The following ZDHHC23 variants were observed in gnomAD, a reference collection of about 807,000 sequenced individuals.
ZDHHC23 encodes palmitoyltransferase ZDHHC23.
A neutral mutation model predicts 40.2 loss-of-function variants in ZDHHC23; 41 were observed. The ratio of observed to expected loss-of-function variants is 1.02; its 90% CI spans 0.79 to 1.32. The LOEUF is 1.32. Ranked by LOEUF, ZDHHC23 falls within the 40% of genes most tolerant of loss-of-function variation. ZDHHC23 has a pLI of 0.00. For synonymous variants in ZDHHC23, 204 were observed against 210.2 expected (o/e 0.97, Z 0.26); for missense variants, 471 against 541.5 (o/e 0.87, Z 1.29).
Position 113,954,297 on chromosome 3 carries a change from C to A in ZDHHC23, c.759C>A (p.Pro253=). 1 of 1,614,110 alleles carries A rather than the reference C, an allele frequency of 6.2e-7. No individual in the cohort carries two copies. The highest frequency in any genetic ancestry group is 8.5e-7 in the Non-Finnish European group (1 of 1,179,968). The change falls in exon 3 of 5, where the codon CCC becomes CCA. Residue 253 remains proline (P), a synonymous_variant. Coordinates refer to ENST00000638807, the MANE Select transcript of ZDHHC23 (RefSeq NM_001320466.2). ...CTTCCAAGATGCCAGCTGGAAGCCC[C>A]ACCAAAGCGAAGGAGGACTGGTGTG... ...KGSSKMPAGS[P]TKAKEDWCAK...
chr3:113,963,449 A>G (rs1363419491), downstream of ZDHHC23: 2 of 151,986 alleles, frequency 1.3e-5, no homozygotes, highest in Non-Finnish European at 2.9e-5. Flanking sequence ...TGGCATTTAA[A>G]GAAAACTGGT....
chr3:113,954,093 G>A lies in ZDHHC23; in HGVS notation c.555G>A (p.Leu185=), dbSNP rs1938942908. The change falls in exon 3 of 5, where the codon TTG becomes TTA. Residue 185 remains leucine, a synonymous_variant. Coordinates refer to ENST00000638807, the MANE Select transcript of ZDHHC23 (RefSeq NM_001320466.2). ...TCGLFLILLA[L]HRAKKNPGYL... ...GGTTATTTCTGATACTCTTAGCCTT[G>A]CACAGAGCCAAGAAGAATCCAGGCT... 6.2e-7 allele frequency: 1 copy of A among 1,614,172 alleles called. No individual in the cohort carries two copies.
chr3:113,973,661 C>A, the ZDHHC23 span, among the ~76,000 whole-genome samples: 17 of 151,328 alleles, frequency 1.1e-4, no homozygotes, highest in Non-Finnish European at 2.2e-4. Flanking sequence ...CTGGCCTATA[C>A]CGTTTCTGCT....
intron 2 of ZDHHC23, 151 bp downstream of exon 2, chr3:113,949,114 A>G: frequency 9.8e-7 from 1 of 1,023,160 alleles, no homozygotes; most frequent in Non-Finnish European, 1.4e-6. Flanking sequence ...GTCAAGTGTG[A>G]GGATTTTAGA....
Position 113,959,299 on chromosome 3 carries a change from A to G in ZDHHC23, c.*669A>G. ...TTCTCCTTCTTATTAGACATGAACT[A>G]CTCAAACAGAGAAGATGACCAGATG... On this transcript the variant is annotated 3_prime_UTR_variant, in exon 5 of 5. Transcript: ENST00000638807. 7 of 1,098,320 alleles carry G rather than the reference A, an allele frequency of 6.4e-6. No individual in the cohort carries two copies. Among genetic ancestry groups the G allele is most frequent in the Non-Finnish European group, 4.5e-6 (4 of 886,880 alleles). 68.0% of individuals were successfully genotyped at this position (1,098,320 alleles called of 1,614,324 possible). A position where few individuals can be genotyped will look rare whatever the true frequency, so the allele number is the denominator to read the frequency against.
At chr3:113,974,959 T>C in the ZDHHC23 span, among the ~76,000 whole-genome samples, 1 of 152,196 alleles carries the variant, frequency 6.6e-6, no homozygotes, top group African/African-American at 2.4e-5. Context: ...TTGGTAAATA[T>C]GTCTTGATAA....
the ZDHHC23 span, among the ~76,000 whole-genome samples, chr3:113,970,669 T>A: frequency 6.6e-6 from 1 of 152,160 alleles, no homozygotes; most frequent in Non-Finnish European, 1.5e-5. Flanking sequence ...CTGCACCCAT[T>A]AACTCATCAT....
the ZDHHC23 span, among the ~76,000 whole-genome samples, chr3:113,975,602 A>AATT: frequency 6.6e-6 from 1 of 152,180 alleles, no homozygotes; most frequent in African/African-American, 2.4e-5. Flanking sequence ...GTAAACAGTA[A>AATT]ATTATATACT....
intron 2 of ZDHHC23, among the ~76,000 whole-genome samples, chr3:113,951,779 G>T (rs1395279507): frequency 6.6e-6 from 1 of 152,200 alleles, no homozygotes; most frequent in African/African-American, 2.4e-5. Flanking sequence ...TTACAATATA[G>T]ACAGGCTGAG....
intron 2 of ZDHHC23, 43 bp downstream of exon 2, chr3:113,949,006 T>A (rs1307050988): frequency 1.2e-6 from 2 of 1,610,672 alleles, no homozygotes; most frequent in Middle Eastern, 1.8e-4. Flanking sequence ...ATCACCCTTC[T>A]GAGAACTGCC....
Position 113,959,827 on chromosome 3 carries a change from T to C in ZDHHC23, c.*1197T>C. On this transcript the variant is annotated 3_prime_UTR_variant, in exon 5 of 5. Coordinates refer to ENST00000638807, the MANE Select transcript of ZDHHC23 (RefSeq NM_001320466.2). ...TAAGAGAGAAGAAACAGGGTATATG[T>C]GGTTTCCACTATTAATGGATTACTG... is the stretch of plus-strand genomic sequence containing the variant. 15 of 1,031,586 alleles carry C rather than the reference T, an allele frequency of 1.5e-5. No homozygotes were observed. Among genetic ancestry groups the C allele is most frequent in the Non-Finnish European group, 1.8e-5 (15 of 852,660 alleles). The allele number at this position is 1,031,586 out of a possible 1,614,324, so 63.9% of individuals were successfully genotyped here. A position where few individuals can be genotyped will look rare whatever the true frequency, so the allele number is the denominator to read the frequency against.
chr3:113,948,877 C>T lies in ZDHHC23; in HGVS notation c.75C>T (p.Cys25=). Residue 25 remains cysteine (C), a synonymous_variant, in exon 2 of 5, where the codon TGC becomes TGT. Coordinates refer to ENST00000638807, the MANE Select transcript of ZDHHC23 (RefSeq NM_001320466.2). ...TEEPELEPLC[C]CEYIDRNGEK... is the part of the protein sequence containing the mutation. ...AACCTGAATTGGAGCCCCTGTGCTG[C>T]TGCGAGTACATAGATCGGAATGGGG... 1 of 1,614,198 alleles carries T rather than the reference C, an allele frequency of 6.2e-7. No homozygotes were observed. The highest frequency in any genetic ancestry group is 8.5e-7 in the Non-Finnish European group (1 of 1,180,030).
At chr3:113,952,499 T>C (rs1163209220) in intron 2 of ZDHHC23, among the ~76,000 whole-genome samples, 1 of 152,186 alleles carries the variant, frequency 6.6e-6, no homozygotes. Context: ...CCCTTGACAG[T>C]TTGTTCAGAT....
At chr3:113,950,049 G>GC (rs1386142556) in intron 2 of ZDHHC23, among the ~76,000 whole-genome samples, 1 of 152,106 alleles carries the variant, frequency 6.6e-6, no homozygotes, top group East Asian at 1.9e-4. Context: ...CATTAACCTT[G>GC]CTAACTCTTC....
Position 113,958,984 on chromosome 3 carries a change from G to A in ZDHHC23, c.*354G>A, listed in dbSNP as rs1158066379. ...TAGGATAGTTTCTAGTCCCTCTTTC[G>A]ATTCTTAATAGCCATGTGACCCCTA... On this transcript the variant is annotated 3_prime_UTR_variant, in exon 5 of 5. Coordinates refer to ENST00000638807, the MANE Select transcript of ZDHHC23 (RefSeq NM_001320466.2). The A allele has an allele frequency of 7.7e-6, 9 of 1,166,074 alleles. No homozygotes were observed. Among genetic ancestry groups the A allele is most frequent in the African/African-American group, 3.2e-5 (2 of 61,966 alleles). The allele number at this position is 1,166,074 out of a possible 1,614,324, so 72.2% of individuals were successfully genotyped here.
the ZDHHC23 span, chr3:113,978,769 T>C: frequency 1.4e-5 from 19 of 1,387,320 alleles, no homozygotes; most frequent in East Asian, 4.4e-4. Flanking sequence ...AAAAACATAA[T>C]GACCCTGGAC....
At chr3:113,966,788 G>A (rs373765175), downstream of ZDHHC23, among the ~76,000 whole-genome samples, 66 of 151,932 alleles carry the variant, frequency 4.3e-4, 1 homozygote, top group South Asian at 0.013. Flanking sequence ...GATTTTTGTT[G>A]GTGGAGGTAC....
chr3:113,965,142 A>G (rs1204554476), downstream of ZDHHC23: 2 of 1,561,228 alleles, frequency 1.3e-6, no homozygotes, highest in Non-Finnish European at 1.7e-6. Flanking sequence ...CCTAAATATT[A>G]CACTAATCTG....
At chr3:113,952,077 C>T (rs575744702) in intron 2 of ZDHHC23, among the ~76,000 whole-genome samples, 2 of 151,906 alleles carry the variant, frequency 1.3e-5, no homozygotes, top group Non-Finnish European at 2.9e-5. Flanking sequence ...GTGGAGGTTG[C>T]GGTGAGCTGA....
Sources: allele counts gnomAD v4.1 joint callset (sites outside exome capture counted in the v4.1 genomes callset), GRCh38; gene constraint gnomAD v4.1.1; transcripts MANE v1.5; gene names NCBI Gene and HGNC (gene_info 2026-07-23, HGNC 2026-07-21).